The following PKNOX2 variants were observed in gnomAD, a reference collection of about 807,000 sequenced individuals.
PKNOX2 encodes homeobox protein PKNOX2.
Under a neutral mutation model 53.1 loss-of-function variants are expected in PKNOX2, and 14 were observed. The ratio of observed to expected loss-of-function variants is 0.26; its 90% CI spans 0.17 to 0.41. The LOEUF (loss-of-function observed/expected upper bound fraction) is 0.41, where lower values mean the gene tolerates loss of function less well. Among genes scored for constraint, PKNOX2 ranks in the 10% least tolerant of loss-of-function variants. PKNOX2 has a pLI of 1.00. For synonymous variants in PKNOX2, 257 were observed against 242.8 expected (o/e 1.06, Z -0.54); for missense variants, 496 against 602.8 (o/e 0.82, Z 1.85).
chr11:125,169,485 A>C (rs1313472942), intron 1 of PKNOX2, among the ~76,000 whole-genome samples: 1 of 152,174 alleles, frequency 6.6e-6, no homozygotes, highest in Admixed American at 6.5e-5. Flanking sequence ...GCAGATAATC[A>C]AGGTTGGCAG....
intron 2 of PKNOX2, among the ~76,000 whole-genome samples, chr11:125,284,133 A>G (rs1946748765): frequency 6.6e-6 from 1 of 152,180 alleles, no homozygotes. Flanking sequence ...AGAATTAATG[A>G]GATAGTGGAT....
In PKNOX2 at chr11:125,187,816, T is replaced by C. The variant is rs555097664; in HGVS notation, c.-201+23040T>C. On this transcript the variant is annotated intron_variant, in intron 1 of 12. Transcript: ENST00000298282. Reference sequence around the variant, plus strand: ...TAGCTGTCTACCACCCTTTTGATAATGGGTCACTCCTAGCGGCCTGGGCCA... The same window carrying C: ...TAGCTGTCTACCACCCTTTTGATAACGGGTCACTCCTAGCGGCCTGGGCCA... Among the ~76,000 whole-genome samples the C allele has an allele frequency of 2.7e-4, 41 of 152,366 alleles. 1 individual carries two copies. Among genetic ancestry groups the C allele is most frequent in the African/African-American group, 9.4e-4 (39 of 41,594 alleles).
intron 2 of PKNOX2, among the ~76,000 whole-genome samples, chr11:125,301,863 C>T (rs1948092382): frequency 6.6e-6 from 1 of 152,182 alleles, no homozygotes; most frequent in Non-Finnish European, 1.5e-5. Context: ...GTAATTTAAG[C>T]CAGGGAAAGC....
intron 1 of PKNOX2, among the ~76,000 whole-genome samples, chr11:125,219,760 T>C (rs1304528388): frequency 2.0e-5 from 3 of 152,224 alleles, no homozygotes; most frequent in East Asian, 3.8e-4. Context: ...AAATTTGATA[T>C]CGCATTCTAT....
intron 2 of PKNOX2, among the ~76,000 whole-genome samples, chr11:125,311,854 A>G (rs1450957204): frequency 6.6e-6 from 1 of 152,168 alleles, no homozygotes; most frequent in African/African-American, 2.4e-5. Context: ...TTTTTAAAAA[A>G]TTTTTGACAT....
Position 125,323,375 on chromosome 11 carries a change from C to G in PKNOX2, c.-129-8444C>G, listed in dbSNP as rs145550640. Among the ~76,000 whole-genome samples, 106 of 152,298 alleles carry G rather than the reference C, an allele frequency of 7.0e-4. 1 individual carries two copies. In the East Asian group the frequency reaches 0.019, roughly 27 times the overall value. ...TCTGAAATTCATTTCTCAGCAGTGT[C>G]TGAATGAGAATTTTACAGACATTTC... On this transcript the variant is annotated intron_variant, in intron 2 of 12. Coordinates refer to ENST00000298282, the MANE Select transcript of PKNOX2 (RefSeq NM_001382323.2).
At chr11:125,410,378 G>A in intron 8 of PKNOX2, 53 bp downstream of exon 8, 1 of 1,607,730 alleles carries the variant, frequency 6.2e-7, no homozygotes, top group Non-Finnish European at 8.5e-7. Flanking sequence ...GGAGGAGAAA[G>A]GGTGGCCCCG....
At chr11:125,248,655 A>G (rs1321638439) in intron 2 of PKNOX2, among the ~76,000 whole-genome samples, 13 of 148,812 alleles carry the variant, frequency 8.7e-5, no homozygotes. Flanking sequence ...CATATATGAT[A>G]TGTGTTATAT....
At chr11:125,385,836 C>T (rs1331830299) in intron 6 of PKNOX2, 114 bp downstream of exon 6, 4 of 1,254,730 alleles carry the variant, frequency 3.2e-6, no homozygotes, top group African/African-American at 3.1e-5. Flanking sequence ...TTTGAGTGCC[C>T]ACCATGAGTC....
intron 9 of PKNOX2, chr11:125,411,509 T>C (rs747668403): frequency 0.02 from 6,254 of 315,064 alleles, 94 homozygotes; most frequent in South Asian, 0.054. Flanking sequence ...TCTCTCTCTC[T>C]CCCCCCCTTC....
At chr11:125,360,358 C>T (rs1951859556) in intron 4 of PKNOX2, among the ~76,000 whole-genome samples, 1 of 152,040 alleles carries the variant, frequency 6.6e-6, no homozygotes, top group African/African-American at 2.4e-5. Flanking sequence ...AGAAATCTAG[C>T]AAAAGGAAGC....
intron 10 of PKNOX2, among the ~76,000 whole-genome samples, chr11:125,414,831 C>T (rs1006843117): frequency 6.6e-6 from 1 of 151,968 alleles, no homozygotes; most frequent in African/African-American, 2.4e-5. Flanking sequence ...AGGCCTAGCA[C>T]ATAGCACTTA....
At chr11:125,430,826 A>C (rs113960542) in intron 12 of PKNOX2, among the ~76,000 whole-genome samples, 31 of 152,308 alleles carry the variant, frequency 2.0e-4, no homozygotes, top group African/African-American at 7.5e-4. Flanking sequence ...CATCGCTGAC[A>C]ATGTCATCTT....
chr11:125,404,408 C>T (rs1211678511), intron 7 of PKNOX2, among the ~76,000 whole-genome samples: 2 of 152,200 alleles, frequency 1.3e-5, no homozygotes, highest in East Asian at 3.9e-4. Context: ...GAGACCAAGG[C>T]CCCCAACAGG....
chr11:125,314,226 C>A (rs1256092606), intron 2 of PKNOX2, among the ~76,000 whole-genome samples: 1 of 152,070 alleles, frequency 6.6e-6, no homozygotes, highest in East Asian at 1.9e-4. Context: ...TCGTGAATCA[C>A]CAAAGAGAGG....
At chr11:125,381,846 C>A (rs560513380) in intron 5 of PKNOX2, among the ~76,000 whole-genome samples, 1 of 152,236 alleles carries the variant, frequency 6.6e-6, no homozygotes, top group African/African-American at 2.4e-5. Flanking sequence ...GAACGCCAGT[C>A]CCTTAGCTCC....
intron 6 of PKNOX2, among the ~76,000 whole-genome samples, chr11:125,397,033 C>T (rs554862454): frequency 7.2e-5 from 11 of 152,320 alleles, no homozygotes; most frequent in African/African-American, 2.2e-4. Context: ...TTTCACCCTG[C>T]TTTCCATACC....
At chr11:125,267,866 G>A (rs1945482770) in intron 2 of PKNOX2, among the ~76,000 whole-genome samples, 1 of 152,196 alleles carries the variant, frequency 6.6e-6, no homozygotes, top group Admixed American at 6.5e-5. Flanking sequence ...TTCGATCAGA[G>A]GCCTGATGAG....
chr11:125,371,017 C>A (rs1201267962), intron 5 of PKNOX2, among the ~76,000 whole-genome samples: 1 of 152,156 alleles, frequency 6.6e-6, no homozygotes, highest in African/African-American at 2.4e-5. Context: ...GGGGAGGGAG[C>A]CTGCCAGTGC....
Sources: allele counts gnomAD v4.1 joint callset (sites outside exome capture counted in the v4.1 genomes callset), GRCh38; gene constraint gnomAD v4.1.1; transcripts MANE v1.5; gene names NCBI Gene and HGNC (gene_info 2026-07-23, HGNC 2026-07-21).